ANK1: variants seen among roughly 807,000 people sequenced by gnomAD.
ANK1 encodes ankyrin-1.
ANK1 carries 51 observed loss-of-function variants against 210.4 expected under a neutral mutation model. That is an observed-to-expected ratio of 0.24 (90% CI 0.19 to 0.31). ANK1 has a LOEUF of 0.31. ANK1 is among the 10% of genes least tolerant of loss of function. ANK1 has a pLI of 1.00. For missense variants in ANK1, 2,051 were observed against 2,504.4 expected (o/e 0.82, Z 3.86); for synonymous variants, 967 against 1,025.9 (o/e 0.94, Z 1.10).
intron 1 of ANK1, among the ~76,000 whole-genome samples, chr8:41,872,204 CT>C (rs1326814993): frequency 6.6e-6 from 1 of 152,214 alleles, no homozygotes; most frequent in Non-Finnish European, 1.5e-5. Context: ...AGCCGACCCC[CT>C]GTAGGCCTCA....
intron 2 of ANK1, among the ~76,000 whole-genome samples, chr8:41,742,117 T>C (rs1310120074): frequency 6.6e-6 from 1 of 152,256 alleles, no homozygotes; most frequent in Non-Finnish European, 1.5e-5. Flanking sequence ...ACATTCAGCC[T>C]GATTAATTCA....
At chr8:41,801,045 T>G (rs1398378809), upstream of ANK1, among the ~76,000 whole-genome samples, 1 of 152,244 alleles carries the variant, frequency 6.6e-6, no homozygotes, top group Non-Finnish European at 1.5e-5. Flanking sequence ...GTTCCTGAAA[T>G]TCAGCCAGGA....
intron 1 of ANK1, among the ~76,000 whole-genome samples, chr8:41,876,249 C>A (rs902937800): frequency 2.6e-5 from 4 of 152,014 alleles, no homozygotes; most frequent in South Asian, 4.1e-4. Context: ...AGCCGCGGCA[C>A]CCTGGCACCC....
intron 16 of ANK1, among the ~76,000 whole-genome samples, chr8:41,709,856 G>C (rs1316053453): frequency 6.6e-6 from 1 of 152,202 alleles, no homozygotes; most frequent in East Asian, 1.9e-4. Flanking sequence ...TTGAGCTAAG[G>C]AGTTGGAGGC....
chr8:41,671,497 C>T (rs1812268524), intron 38 of ANK1, among the ~76,000 whole-genome samples: 1 of 152,146 alleles, frequency 6.6e-6, no homozygotes, highest in Non-Finnish European at 1.5e-5. Flanking sequence ...GTGAGCCATC[C>T]TGGTGCTCTA....
At position 41,703,445 on chromosome 8, in the gene ANK1, TATA is replaced by T. The variant is rs1404809603; in HGVS notation, c.2295+593_2295+595del. On this transcript the variant is annotated intron_variant, in intron 20 of 42. Transcript: ENST00000289734. The stretch of plus-strand genomic sequence containing the variant: ...GTGTATATATATATATATATATATA[TATA>T]TATTTTTTTTTTTTTTTTAAGACAC... Among the ~76,000 whole-genome samples the T allele has an allele frequency of 5.5e-3, 381 of 69,756 alleles. 4 individuals are homozygous for T. Among genetic ancestry groups the T allele is most frequent in the African/African-American group, 0.017 (346 of 20,504 alleles). 45.8% of individuals were successfully genotyped at this position (69,756 alleles called of 152,430 possible). A position where few individuals can be genotyped will look rare whatever the true frequency, so the allele number is the denominator to read the frequency against.
In ANK1 at chr8:41,715,719, C is replaced by G. The variant is rs371259018; in HGVS notation, c.1535G>C (p.Arg512Pro). ...AGHTPLHIAA[R>P]EGHVETVLAL... Reference sequence around the variant, plus strand: ...CAGGACTGTTTCCACATGGCCCTCACGGGCTGCAATGTGCAGGGGGGTGTG... The same window carrying G: ...CAGGACTGTTTCCACATGGCCCTCAGGGGCTGCAATGTGCAGGGGGGTGTG... The change falls in exon 14 of 43, where the codon CGT (arginine) becomes CCT (proline). Residue 512 changes from arginine (R) to proline (P), a missense_variant. Physicochemically the swap from Arg to Pro is moderately radical, Grantham distance 103. Around this residue, in one of 6 missense-constraint regions of ANK1, gnomAD observed 1,413 missense variants for 1,707.4 expected, o/e 0.83. Coordinates refer to ENST00000289734, the MANE Select transcript of ANK1 (RefSeq NM_000037.4). 2.5e-6 allele frequency: 4 copies of G among 1,614,108 alleles called. No individual in the cohort carries two copies. The highest frequency in any genetic ancestry group is 3.4e-6 in the Non-Finnish European group (4 of 1,180,020).
intron 2 of ANK1, among the ~76,000 whole-genome samples, chr8:41,753,705 C>T (rs1028281316): frequency 3.7e-4 from 57 of 152,136 alleles, no homozygotes; most frequent in Admixed American, 1.3e-4. Flanking sequence ...CCTCCCACAC[C>T]CATAGTTCCC....
intron 9 of ANK1, among the ~76,000 whole-genome samples, chr8:41,722,877 C>A (rs72638997): frequency 0.02 from 3,042 of 152,220 alleles, 38 homozygotes; most frequent in Non-Finnish European, 0.026. Context: ...ACAGGGACCA[C>A]GGCCTGCAAA....
intron 2 of ANK1, among the ~76,000 whole-genome samples, chr8:41,752,096 C>T (rs1837846746): frequency 6.6e-6 from 1 of 152,204 alleles, no homozygotes; most frequent in Admixed American, 6.5e-5. Context: ...TTCCAGACCT[C>T]TTGAAAGTCG....
At chr8:41,767,656 G>T (rs972630603) in intron 1 of ANK1, among the ~76,000 whole-genome samples, 8 of 152,112 alleles carry the variant, frequency 5.3e-5, no homozygotes, top group Non-Finnish European at 1.2e-4. Flanking sequence ...CCCTGCGAAG[G>T]GGGTGCGCGC....
chr8:41,719,804 G>A lies in ANK1; in HGVS notation c.964C>T (p.Arg322Trp), dbSNP rs770743762. 40 of 1,614,082 alleles carry A rather than the reference G, an allele frequency of 2.5e-5. No homozygotes were observed. The highest frequency in any genetic ancestry group is 3.3e-5 in the Admixed American group (2 of 60,010). ...TCTGCGTCGTATTGCAACAGGAGCC[G>A]GACACAGTCGAGGTGGTCTCCCTGA... The part of the protein sequence containing the change: ...AAQGDHLDCV[R>W]LLLQYDAEID... Residue 322 changes from arginine to tryptophan, a missense_variant, in exon 10 of 43, where the codon CGG becomes TGG. Physicochemically the swap from Arg to Trp is moderately radical, Grantham distance 101. Coordinates refer to ENST00000289734, the MANE Select transcript of ANK1 (RefSeq NM_000037.4).
At chr8:41,726,759 G>A (rs1246854276) in intron 5 of ANK1, among the ~76,000 whole-genome samples, 7 of 152,152 alleles carry the variant, frequency 4.6e-5, no homozygotes, top group East Asian at 1.9e-4. Flanking sequence ...CTGATAAAAC[G>A]GAATGACAAC....
chr8:41,760,994 G>GA (rs886894056), intron 1 of ANK1, among the ~76,000 whole-genome samples: 19 of 151,392 alleles, frequency 1.3e-4, no homozygotes, highest in East Asian at 1.9e-4. Context: ...GACCTTATTT[G>GA]AAAAAAAAGT....
intron 1 of ANK1, among the ~76,000 whole-genome samples, chr8:41,889,086 C>T (rs1818952969): frequency 6.6e-6 from 1 of 152,208 alleles, no homozygotes; most frequent in South Asian, 2.1e-4. Flanking sequence ...AGTGATCCTC[C>T]CATCTCGGCT....
chr8:41,860,790 T>G lies in ANK1; in HGVS notation c.126+35565A>C, dbSNP rs1813123911. 3.3e-5 allele frequency among the ~76,000 whole-genome samples: 5 copies of G among 152,310 alleles called. No homozygotes were observed. In the South Asian group the frequency reaches 1.0e-3, roughly 32 times the overall value. ...TCCCAGGAAGTGACCCTCTGAGGAT[T>G]GCTGTGGGGGCCAAATGAAAAACCT... On this transcript the variant is annotated intron_variant, in intron 1 of 42. Transcript: ENST00000265709.
chr8:41,803,705 T>C (rs1423089853), intron 1 of ANK1, among the ~76,000 whole-genome samples: 2 of 152,018 alleles, frequency 1.3e-5, no homozygotes, highest in Non-Finnish European at 2.9e-5. Context: ...TTTGTGAATA[T>C]CTTTTTATTA....
intron 9 of ANK1, among the ~76,000 whole-genome samples, chr8:41,720,504 T>C (rs1828973643): frequency 6.6e-6 from 1 of 152,198 alleles, no homozygotes; most frequent in Non-Finnish European, 1.5e-5. Flanking sequence ...GACTCATTCA[T>C]TCACTTAGAC....
At chr8:41,668,195 G>T (rs1177669655) in intron 39 of ANK1, 72 bp downstream of exon 39, 21 of 1,600,356 alleles carry the variant, frequency 1.3e-5, no homozygotes, top group Non-Finnish European at 1.7e-5. Context: ...TGCCTGAGAG[G>T]CAGCCCTGGA....
Sources: allele counts gnomAD v4.1 joint callset (sites outside exome capture counted in the v4.1 genomes callset), GRCh38; gene constraint gnomAD v4.1.1; regional missense constraint gnomAD v4.1.1; transcripts MANE v1.5; gene names NCBI Gene and HGNC (gene_info 2026-07-23, HGNC 2026-07-21).